Variants in PALLD observed in about 807,000 individuals in gnomAD.
PALLD encodes palladin.
Under a neutral mutation model 123.5 loss-of-function variants are expected in PALLD, and 61 were observed. The observed-to-expected ratio is 0.49, with a 90% CI of 0.40 to 0.61. The LOEUF (loss-of-function observed/expected upper bound fraction) is 0.61. Ranked by LOEUF, PALLD falls within the 20% of genes least tolerant of loss-of-function variation. PALLD has a pLI of 0.00. For synonymous variants in PALLD, 465 were observed against 496.4 expected (o/e 0.94, Z 0.84); for missense variants, 1,273 against 1,377.0 (o/e 0.92, Z 1.20).
At position 168,532,805 on chromosome 4, in the gene PALLD, T is replaced by G. The variant is rs1026941655; in HGVS notation, c.908+20393T>G. On this transcript the variant is annotated intron_variant, in intron 2 of 21. Coordinates refer to ENST00000505667, the MANE Select transcript of PALLD (RefSeq NM_001166108.2). ...TTCCATAAGAAGAAATCACAGATAA[T>G]GAAAGAAAGGGAAACCATTGAAAGA... is the stretch of plus-strand genomic sequence containing the variant. Among the ~76,000 whole-genome samples, 4 of 152,088 alleles carry G rather than the reference T, an allele frequency of 2.6e-5. No individual in the cohort carries two copies. In the Middle Eastern group the frequency reaches 0.01, roughly 388 times the overall value.
At chr4:168,770,924 G>A (rs940614057) in intron 10 of PALLD, among the ~76,000 whole-genome samples, 1 of 152,044 alleles carries the variant, frequency 6.6e-6, no homozygotes, top group Non-Finnish European at 1.5e-5. Flanking sequence ...GCTGGGCATG[G>A]GAGCGGGCAC....
chr4:168,851,046 C>G (rs1747700210), intron 10 of PALLD, among the ~76,000 whole-genome samples: 1 of 152,104 alleles, frequency 6.6e-6, no homozygotes. Context: ...TGCCGTCTCC[C>G]AGGCCAGCAG....
At chr4:168,551,174 A>G (rs538366586) in intron 2 of PALLD, among the ~76,000 whole-genome samples, 2 of 152,306 alleles carry the variant, frequency 1.3e-5, no homozygotes, top group East Asian at 3.9e-4. Context: ...TCTTAATTTG[A>G]TGAATAAAAA....
intron 14 of PALLD, among the ~76,000 whole-genome samples, chr4:168,898,949 G>C (rs1463759234): frequency 4.6e-5 from 7 of 152,158 alleles, no homozygotes; most frequent in Non-Finnish European, 8.8e-5. Context: ...CTAACAGGGA[G>C]CTCTTCACAC....
intron 10 of PALLD, among the ~76,000 whole-genome samples, chr4:168,824,099 T>C (rs963607545): frequency 6.6e-6 from 1 of 152,208 alleles, no homozygotes; most frequent in African/African-American, 2.4e-5. Context: ...TGCCAATAAA[T>C]TAATCTCTAA....
intron 10 of PALLD, among the ~76,000 whole-genome samples, chr4:168,750,986 G>A (rs1240671239): frequency 2.7e-5 from 4 of 149,210 alleles, no homozygotes; most frequent in Non-Finnish European, 4.5e-5. Context: ...TTTTATATAT[G>A]TGTGTGTGTG....
At chr4:168,644,666 G>C (rs755908095) in intron 2 of PALLD, among the ~76,000 whole-genome samples, 11 of 152,080 alleles carry the variant, frequency 7.2e-5, no homozygotes, top group African/African-American at 1.7e-4. Context: ...CAAAAGTGTG[G>C]TTCTCATCCT....
chr4:168,535,949 A>C (rs1047106471), intron 2 of PALLD, among the ~76,000 whole-genome samples: 1 of 152,212 alleles, frequency 6.6e-6, no homozygotes, highest in Non-Finnish European at 1.5e-5. Context: ...TGTGTAATTT[A>C]CAAGAACACT....
At chr4:168,650,421 A>T (rs1777921977) in intron 2 of PALLD, among the ~76,000 whole-genome samples, 1 of 152,212 alleles carries the variant, frequency 6.6e-6, no homozygotes, top group Non-Finnish European at 1.5e-5. Context: ...TGCGTCTAAC[A>T]TTCTTTTTAA....
At chr4:168,854,818 T>G (rs1748343735) in intron 10 of PALLD, among the ~76,000 whole-genome samples, 1 of 152,258 alleles carries the variant, frequency 6.6e-6, no homozygotes, top group African/African-American at 2.4e-5. Flanking sequence ...GTGTTTTCTC[T>G]GTTTCCACAA....
chr4:168,501,592 C>G (rs1051419657), intron 1 of PALLD, among the ~76,000 whole-genome samples: 1 of 152,156 alleles, frequency 6.6e-6, no homozygotes, highest in Non-Finnish European at 1.5e-5. Context: ...TTTGCCAACC[C>G]TCCCAAACCT....
chr4:168,886,336 A>G (rs933657997), intron 10 of PALLD, among the ~76,000 whole-genome samples: 7 of 152,200 alleles, frequency 4.6e-5, no homozygotes, highest in African/African-American at 1.2e-4. Flanking sequence ...TCTAATCACT[A>G]TTAGACATTT....
intron 10 of PALLD, among the ~76,000 whole-genome samples, chr4:168,827,997 C>T (rs1346564900): frequency 1.2e-4 from 18 of 152,282 alleles, no homozygotes; most frequent in African/African-American, 4.3e-4. Context: ...GCCGAGATCA[C>T]GCCATTGCAC....
At position 168,511,882 on chromosome 4, in the gene PALLD, C is replaced by G. The variant is rs1334191721; in HGVS notation, c.378C>G (p.Pro126=). Residue 126 remains proline (P), a synonymous_variant, in exon 2 of 22, where the codon CCC becomes CCG. Transcript: ENST00000505667. Reference sequence around the variant, plus strand: ...CAAAGAGGAAACCTGCCATGTCACCCCTGCTCACCAGGCCCAGCTACATCC... The same window carrying G: ...CAAAGAGGAAACCTGCCATGTCACCGCTGCTCACCAGGCCCAGCTACATCC... The part of the protein sequence containing the change: ...PVSKRKPAMS[P]LLTRPSYIRS... The G allele has an allele frequency of 6.2e-7, 1 of 1,614,130 alleles. No individual in the cohort carries two copies.
At chr4:168,560,868 A>G (rs1454673230) in intron 2 of PALLD, among the ~76,000 whole-genome samples, 4 of 152,194 alleles carry the variant, frequency 2.6e-5, no homozygotes, top group Admixed American at 1.3e-4. Context: ...ATGGGCAAAT[A>G]TTTTATTCTA....
At chr4:168,895,584 T>A (rs12510322) in intron 12 of PALLD, among the ~76,000 whole-genome samples, 12 of 152,002 alleles carry the variant, frequency 7.9e-5, no homozygotes, top group Non-Finnish European at 2.9e-5. Context: ...GAATAGAAGA[T>A]ACATTTACAA....
At chr4:168,516,646 C>G (rs1046560735) in intron 2 of PALLD, among the ~76,000 whole-genome samples, 1 of 152,238 alleles carries the variant, frequency 6.6e-6, no homozygotes, top group South Asian at 2.1e-4. Flanking sequence ...TAACTCAGCT[C>G]TTATGATTCT....
chr4:168,654,413 AC>A (rs751558414), intron 2 of PALLD, among the ~76,000 whole-genome samples: 2 of 152,308 alleles, frequency 1.3e-5, no homozygotes, highest in South Asian at 4.1e-4. Context: ...AAAATGATGG[AC>A]TGTAGCCAGG....
In PALLD at chr4:168,683,073, G is replaced by A. The variant is rs761198920; in HGVS notation, c.1230G>A (p.Val410=). 2 of 1,610,802 alleles carry A rather than the reference G, an allele frequency of 1.2e-6. No individual in the cohort carries two copies. Among genetic ancestry groups the A allele is most frequent in the Non-Finnish European group, 1.7e-6 (2 of 1,177,052 alleles). The change falls in exon 5 of 22, where the codon GTG becomes GTA. Residue 410 remains valine (V), a synonymous_variant. Coordinates refer to ENST00000505667, the MANE Select transcript of PALLD (RefSeq NM_001166108.2). ...SSPKTGVTTA[V]IQPLSVPVQQ... is the part of the protein sequence containing the mutation. Reference sequence around the variant, plus strand: ...CAAAGACAGGGGTGACCACAGCTGTGATTCAACCACTGTCTGTCCCTGTGC... The same window carrying A: ...CAAAGACAGGGGTGACCACAGCTGTAATTCAACCACTGTCTGTCCCTGTGC...
Sources: allele counts gnomAD v4.1 joint callset (sites outside exome capture counted in the v4.1 genomes callset), GRCh38; gene constraint gnomAD v4.1.1; transcripts MANE v1.5; gene names NCBI Gene and HGNC (gene_info 2026-07-23, HGNC 2026-07-21).